RORA: variants seen among roughly 807,000 people sequenced by gnomAD.
The protein encoded by RORA is RAR related orphan receptor A.
A neutral mutation model predicts 69.5 loss-of-function variants in RORA; 7 were observed. The ratio of observed to expected loss-of-function variants is 0.10; its 90% CI spans 0.06 to 0.19. The LOEUF is 0.19. Ranked by LOEUF, RORA falls within the 10% of genes least tolerant of loss-of-function variation. RORA has a pLI of 1.00. For missense variants in RORA, 457 were observed against 663.0 expected (o/e 0.69, Z 3.41); for synonymous variants, 261 against 240.8 (o/e 1.08, Z -0.78).
chr15:61,024,270 CTTTTTTTTTT>C (rs34008494), intron 1 of RORA, among the ~76,000 whole-genome samples: 1 of 79,396 alleles, frequency 1.3e-5, no homozygotes, highest in Admixed American at 1.8e-4. Context: ...TCTTGGATCT[CTTTTTTTTTT>C]TTTTTTTTTT....
At chr15:60,630,121 A>G (rs998294491) in intron 2 of RORA, among the ~76,000 whole-genome samples, 10 of 152,340 alleles carry the variant, frequency 6.6e-5, no homozygotes, top group African/African-American at 2.4e-4. Flanking sequence ...CTCAGAATGG[A>G]AAGAACCCCA....
At chr15:61,078,452 G>A (rs2078487468) in intron 1 of RORA, among the ~76,000 whole-genome samples, 2 of 151,902 alleles carry the variant, frequency 1.3e-5, no homozygotes, top group African/African-American at 4.8e-5. Flanking sequence ...GCTTGCCTTG[G>A]CCTCCCAAAG....
At chr15:60,526,781 A>T (rs2066371783) in intron 3 of RORA, among the ~76,000 whole-genome samples, 1 of 152,222 alleles carries the variant, frequency 6.6e-6, no homozygotes, top group Admixed American at 6.5e-5. Flanking sequence ...ACGACTAGCA[A>T]CATTTCACAA....
At chr15:60,993,644 C>CAAAAA (rs3053932) in intron 1 of RORA, among the ~76,000 whole-genome samples, 8,984 of 82,996 alleles carry the variant, frequency 0.11, 701 homozygotes, top group Non-Finnish European at 0.14. Flanking sequence ...CTCTCCATCT[C>CAAAAA]AAAAAAAAAA....
chr15:61,178,256 C>A (rs905056093), intron 1 of RORA, among the ~76,000 whole-genome samples: 2 of 152,078 alleles, frequency 1.3e-5, no homozygotes, highest in African/African-American at 4.8e-5. Flanking sequence ...TAAAGTGATA[C>A]AAAATATTCA....
chr15:60,518,696 T>C (rs2066051284), intron 3 of RORA, among the ~76,000 whole-genome samples: 1 of 152,236 alleles, frequency 6.6e-6, no homozygotes, highest in South Asian at 2.1e-4. Flanking sequence ...TGATTCAGAC[T>C]AGCTACTTAT....
chr15:60,861,050 A>G (rs1393176469), intron 1 of RORA, among the ~76,000 whole-genome samples: 1 of 152,236 alleles, frequency 6.6e-6, no homozygotes, highest in African/African-American at 2.4e-5. Flanking sequence ...ATCCTTGACC[A>G]TCATGCTCCA....
chr15:60,768,812 G>C (rs949276154), intron 1 of RORA, among the ~76,000 whole-genome samples: 8 of 152,184 alleles, frequency 5.3e-5, no homozygotes, highest in Admixed American at 4.6e-4. Context: ...AGGTGGGAGG[G>C]AGGAGCTGAC....
intron 1 of RORA, among the ~76,000 whole-genome samples, chr15:60,911,281 G>A (rs913385806): frequency 4.6e-5 from 7 of 151,926 alleles, no homozygotes; most frequent in Admixed American, 3.9e-4. Flanking sequence ...TGTGACGGAA[G>A]CTCCTAGTTG....
chr15:60,673,232 A>G (rs1054667224), intron 2 of RORA, among the ~76,000 whole-genome samples: 42 of 152,218 alleles, frequency 2.8e-4, no homozygotes, highest in African/African-American at 8.2e-4. Flanking sequence ...CAGTTTTTCT[A>G]TGGAGTTCAC....
chr15:60,821,014 C>T (rs575786879), intron 1 of RORA, among the ~76,000 whole-genome samples: 4 of 143,048 alleles, frequency 2.8e-5, no homozygotes, highest in Non-Finnish European at 6.0e-5. Flanking sequence ...GAAGGGAACA[C>T]CACCAGGAAC....
chr15:60,728,914 T>C (rs1250842427), intron 1 of RORA, among the ~76,000 whole-genome samples: 1 of 152,184 alleles, frequency 6.6e-6, no homozygotes, highest in Non-Finnish European at 1.5e-5. Flanking sequence ...ATAATATAAA[T>C]GTAAGATATT....
intron 2 of RORA, among the ~76,000 whole-genome samples, chr15:60,673,731 C>T (rs1180604262): frequency 6.6e-6 from 1 of 152,208 alleles, no homozygotes; most frequent in East Asian, 1.9e-4. Flanking sequence ...TTATGCACTT[C>T]TATCCCACCC....
At chr15:60,588,847 T>C (rs938604174) in intron 2 of RORA, among the ~76,000 whole-genome samples, 3 of 152,366 alleles carry the variant, frequency 2.0e-5, no homozygotes, top group East Asian at 3.9e-4. Flanking sequence ...TACTTGTGCA[T>C]GCTGCTGCTT....
intron 1 of RORA, among the ~76,000 whole-genome samples, chr15:60,700,854 T>C (rs2070971785): frequency 6.6e-6 from 1 of 152,200 alleles, no homozygotes; most frequent in Non-Finnish European, 1.5e-5. Context: ...CCAGAGTATA[T>C]TGGTTGTCTC....
chr15:60,804,334 G>A (rs556401339), intron 1 of RORA, among the ~76,000 whole-genome samples: 1 of 144,898 alleles, frequency 6.9e-6, no homozygotes, highest in South Asian at 2.2e-4. Flanking sequence ...ACACATGTTT[G>A]CTCTGTGTTA....
intron 1 of RORA, among the ~76,000 whole-genome samples, chr15:61,222,728 G>C (rs2080109536): frequency 1.3e-5 from 2 of 152,194 alleles, no homozygotes; most frequent in Non-Finnish European, 2.9e-5. Context: ...TGTGGTTCCA[G>C]GGATGCTTTC....
chr15:60,732,914 A>G (rs2071447861), intron 1 of RORA, among the ~76,000 whole-genome samples: 1 of 152,136 alleles, frequency 6.6e-6, no homozygotes, highest in South Asian at 2.1e-4. Context: ...ATACCCCATC[A>G]TAGTATTTTC....
chr15:61,045,276 C>T (rs1453166621), intron 1 of RORA, among the ~76,000 whole-genome samples: 1 of 152,172 alleles, frequency 6.6e-6, no homozygotes, highest in African/African-American at 2.4e-5. Context: ...TGCTTGCCTG[C>T]CGCCATGTAA....
Sources: gnomAD v4.1 joint callset for allele counts (sites outside exome capture counted in the v4.1 genomes callset) on GRCh38, gnomAD v4.1.1 for gene constraint, MANE v1.5 for transcripts, NCBI Gene and HGNC (gene_info 2026-07-23, HGNC 2026-07-21) for gene names.